Variants in MYO18B observed in about 807,000 individuals in gnomAD.
MYO18B encodes the protein unconventional myosin-XVIIIb.
MYO18B carries 204 observed loss-of-function variants against 273.0 expected under a neutral mutation model. The observed-to-expected ratio is 0.75, with a 90% CI of 0.67 to 0.84. The LOEUF is 0.84. Among genes scored for constraint, MYO18B ranks in the 40% least tolerant of loss-of-function variants. The pLI, the probability that MYO18B is intolerant of heterozygous loss-of-function variation, is 0.00. For synonymous variants in MYO18B, 1,330 were observed against 1,305.7 expected, an observed-to-expected ratio of 1.02 and a Z score of -0.40; for missense variants, 3,212 against 3,287.6, an observed-to-expected ratio of 0.98 and a Z score of 0.56.
chr22:25,829,097 G>A, intron 15 of MYO18B, 129 bp downstream of exon 15: 1 of 1,084,690 alleles, frequency 9.2e-7, no homozygotes, highest in Non-Finnish European at 1.3e-6. Context: ...AGAGAACAAA[G>A]CCCTTTCCCC....
chr22:26,051,839 C>T, the MYO18B span, among the ~76,000 whole-genome samples: 6 of 152,178 alleles, frequency 3.9e-5, no homozygotes, highest in Admixed American at 2.0e-4. Context: ...CAAATTTGAG[C>T]ATATTAAATA....
Position 25,769,331 on chromosome 22 carries a change from A to T in MYO18B, c.1415A>T (p.Glu472Val). The T allele has an allele frequency of 6.3e-7, 1 of 1,577,572 alleles. No homozygotes were observed. Among genetic ancestry groups the T allele is most frequent in the Non-Finnish European group, 8.6e-7 (1 of 1,162,228 alleles). ...GAAGGACCCAGCCAGCCTGCTCTGG[A>T]GAAGGATGCAGAAAGGCCTCGGATA... The part of the protein sequence containing the change: ...ELEGPSQPAL[E>V]KDAERPRIRK... Residue 472 changes from glutamate to valine, a missense_variant, in exon 4 of 44, where the codon GAG becomes GTG. Transcript: ENST00000335473.
chr22:25,951,232 T>C (rs1273191219), intron 37 of MYO18B, among the ~76,000 whole-genome samples: 1 of 152,226 alleles, frequency 6.6e-6, no homozygotes, highest in Non-Finnish European at 1.5e-5. Flanking sequence ...GGAATCAAGT[T>C]GACACTCAGT....
intron 34 of MYO18B, among the ~76,000 whole-genome samples, chr22:25,927,089 A>G (rs954854553): frequency 9.9e-5 from 15 of 152,160 alleles, no homozygotes; most frequent in African/African-American, 3.6e-4. Context: ...GGACCCTGTA[A>G]TAATTGCATT....
At chr22:25,766,127 A>C (rs2145570158) in intron 3 of MYO18B, among the ~76,000 whole-genome samples, 1 of 152,134 alleles carries the variant, frequency 6.6e-6, no homozygotes, top group Middle Eastern at 3.4e-3. Context: ...AGCCCTAGAG[A>C]GAAAAGGAAG....
intron 39 of MYO18B, among the ~76,000 whole-genome samples, chr22:25,988,460 A>G (rs2093225842): frequency 6.6e-6 from 1 of 152,096 alleles, no homozygotes; most frequent in Non-Finnish European, 1.5e-5. Flanking sequence ...GTAGTGGCAG[A>G]TCCACGAACC....
At chr22:26,035,106 C>T (rs1936753557), downstream of MYO18B, among the ~76,000 whole-genome samples, 1 of 152,208 alleles carries the variant, frequency 6.6e-6, no homozygotes, top group African/African-American at 2.4e-5. Context: ...TTTTGCCAAA[C>T]ACCAGGGGTT....
chr22:26,003,154 G>T (rs1934115894), intron 40 of MYO18B, 111 bp from the exon 41 acceptor site: 1 of 968,178 alleles, frequency 1.0e-6, no homozygotes, highest in East Asian at 2.6e-5. Context: ...ATCACACAGG[G>T]GCAAAGGTTG....
the MYO18B span, among the ~76,000 whole-genome samples, chr22:26,050,486 G>C: frequency 6.6e-6 from 1 of 152,254 alleles, no homozygotes; most frequent in East Asian, 1.9e-4. Flanking sequence ...GGCTGTTAGG[G>C]AAGAGAATAA....
intron 7 of MYO18B, among the ~76,000 whole-genome samples, chr22:25,773,847 G>A (rs1476807063): frequency 6.6e-6 from 1 of 152,214 alleles, no homozygotes; most frequent in Non-Finnish European, 1.5e-5. Flanking sequence ...TTTTAGCAGA[G>A]CAATGACATG....
At chr22:25,970,712 C>T (rs1348898216) in intron 39 of MYO18B, among the ~76,000 whole-genome samples, 3 of 152,184 alleles carry the variant, frequency 2.0e-5, no homozygotes, top group African/African-American at 2.4e-5. Context: ...CCCAGCTGGG[C>T]GGCAGAACTA....
At chr22:26,013,619 A>G (rs1479739334) in intron 42 of MYO18B, among the ~76,000 whole-genome samples, 2 of 152,332 alleles carry the variant, frequency 1.3e-5, no homozygotes, top group African/African-American at 4.8e-5. Flanking sequence ...AGTCATTCCA[A>G]TTTATGTAAC....
intron 12 of MYO18B, among the ~76,000 whole-genome samples, chr22:25,805,819 C>G (rs1002464231): frequency 2.6e-5 from 4 of 152,166 alleles, no homozygotes; most frequent in African/African-American, 9.7e-5. Flanking sequence ...GCAGTCTTGT[C>G]CTCTCCCGCT....
chr22:25,856,814 C>T (rs752959298), intron 21 of MYO18B, among the ~76,000 whole-genome samples: 4 of 152,170 alleles, frequency 2.6e-5, no homozygotes, highest in African/African-American at 9.7e-5. Context: ...GTTAGAGAGT[C>T]TGGGCTTTAT....
At position 25,843,869 on chromosome 22, in the gene MYO18B, C is replaced by T. The variant is rs761831642; in HGVS notation, c.3343C>T (p.Pro1115Ser). 4 of 1,611,208 alleles carry T rather than the reference C, an allele frequency of 2.5e-6. No homozygotes were observed. The highest frequency in any genetic ancestry group is 2.7e-5 in the African/African-American group (2 of 74,886). Residue 1115 changes from proline (P) to serine (S), a missense_variant, in exon 18 of 44, where the codon CCC (proline) becomes TCC (serine). Transcript: ENST00000335473. ...GCCCAACCTCTCGGCCCTGGATGCA[C>T]CCCAGGTCCTGCACCAGTCAAAAAG... ...AKPNLSALDA[P>S]QVLHQSKREE...
chr22:26,047,288 G>A, the MYO18B span, among the ~76,000 whole-genome samples: 4 of 152,080 alleles, frequency 2.6e-5, no homozygotes, highest in South Asian at 6.3e-4. Context: ...CACCATGCCC[G>A]GCTAATTTGT....
At chr22:25,820,530 A>G (rs1159637983) in intron 12 of MYO18B, among the ~76,000 whole-genome samples, 2 of 145,630 alleles carry the variant, frequency 1.4e-5, no homozygotes, top group Non-Finnish European at 3.1e-5. Context: ...TGAAAGAGAG[A>G]ACTTTTTTTA....
At chr22:26,059,158 C>G in the MYO18B span, among the ~76,000 whole-genome samples, 1 of 152,196 alleles carries the variant, frequency 6.6e-6, no homozygotes, top group Middle Eastern at 3.2e-3. Context: ...TTCTGACTCC[C>G]AGAAGTGGTG....
intron 39 of MYO18B, among the ~76,000 whole-genome samples, chr22:25,968,684 G>A (rs1210684161): frequency 2.0e-5 from 3 of 152,118 alleles, no homozygotes; most frequent in Non-Finnish European, 2.9e-5. Flanking sequence ...CACACAGTAG[G>A]AGGAGCTTGC....
Sources: allele counts gnomAD v4.1 joint callset (sites outside exome capture counted in the v4.1 genomes callset), GRCh38; gene constraint gnomAD v4.1.1; transcripts MANE v1.5; gene names NCBI Gene and HGNC (gene_info 2026-07-23, HGNC 2026-07-21).